ASTN2: variants seen among roughly 807,000 people sequenced by gnomAD.
The protein encoded by ASTN2 is astrotactin 2, also known as astrotactin-2.
Under a neutral mutation model 139.8 loss-of-function variants are expected in ASTN2, and 54 were observed. The observed-to-expected ratio is 0.39, with a 90% confidence interval of 0.31 to 0.48. ASTN2 has a LOEUF of 0.48. Among genes scored for constraint, ASTN2 ranks in the 20% least tolerant of loss-of-function variants. The pLI is 0.95. For synonymous variants in ASTN2, 756 were observed against 719.5 expected, an observed-to-expected ratio of 1.05 and a Z score of -0.81; for missense variants, 1,565 against 1,725.1, an observed-to-expected ratio of 0.91 and a Z score of 1.64.
At chr9:117,327,746 C>T (rs1397449951) in intron 1 of ASTN2, among the ~76,000 whole-genome samples, 1 of 152,138 alleles carries the variant, frequency 6.6e-6, no homozygotes, top group African/African-American at 2.4e-5. Context: ...CCTCCTTCAA[C>T]AAATATTTGC....
chr9:117,121,582 AG>A (rs1379895419), intron 4 of ASTN2, among the ~76,000 whole-genome samples: 1 of 152,232 alleles, frequency 6.6e-6, no homozygotes, highest in Non-Finnish European at 1.5e-5. Flanking sequence ...GAACAGGAAA[AG>A]GTGCTGCAGC....
chr9:117,269,438 A>G (rs1293012411), intron 2 of ASTN2, among the ~76,000 whole-genome samples: 1 of 152,192 alleles, frequency 6.6e-6, no homozygotes, highest in Non-Finnish European at 1.5e-5. Flanking sequence ...CTTGAAGGGG[A>G]CACATCACCC....
rs186662369 is a variant in ASTN2 at position 116,871,591 on chromosome 9, C to T, written c.1890-7858G>A. ...GTAGCCTTTTGTGACTGGCTACTTTCAGTTAGCATAGTGTTTTCAAGGTTC... is the reference window on the plus strand; with the variant it reads ...GTAGCCTTTTGTGACTGGCTACTTTTAGTTAGCATAGTGTTTTCAAGGTTC... On this transcript the variant is annotated intron_variant, in intron 10 of 22. Coordinates refer to ENST00000313400, the MANE Select transcript of ASTN2 (RefSeq NM_001365068.1). Among the ~76,000 whole-genome samples the T allele has an allele frequency of 1.2e-3, 181 of 152,296 alleles. 1 individual carries two copies. The highest frequency in any genetic ancestry group is 4.1e-3 in the African/African-American group (170 of 41,562).
At chr9:116,976,258 T>A in intron 8 of ASTN2, 70 bp from the exon 9 acceptor site, 1 of 1,260,734 alleles carries the variant, frequency 7.9e-7, no homozygotes, top group South Asian at 1.2e-5. Flanking sequence ...ATGTGGACAC[T>A]GCTCTAGAGT....
intron 5 of ASTN2, among the ~76,000 whole-genome samples, chr9:117,048,275 T>C (rs1838801847): frequency 6.6e-6 from 1 of 152,170 alleles, no homozygotes; most frequent in African/African-American, 2.4e-5. Context: ...CGACCACATG[T>C]CTTCAAGAGA....
chr9:117,413,012 G>C (rs958600192), intron 1 of ASTN2, among the ~76,000 whole-genome samples: 1 of 152,168 alleles, frequency 6.6e-6, no homozygotes, highest in African/African-American at 2.4e-5. Flanking sequence ...GGGAGTCCCC[G>C]AGGAACCTGC....
intron 1 of ASTN2, among the ~76,000 whole-genome samples, chr9:117,305,653 C>T (rs1001798870): frequency 1.3e-5 from 2 of 152,196 alleles, no homozygotes; most frequent in African/African-American, 4.8e-5. Flanking sequence ...TTGTCTTAGT[C>T]ATCATGTATC....
chr9:117,241,409 T>G (rs1833201815), intron 2 of ASTN2, among the ~76,000 whole-genome samples: 1 of 152,172 alleles, frequency 6.6e-6, no homozygotes, highest in South Asian at 2.1e-4. Flanking sequence ...CACAAAGACC[T>G]ATAGAGCAGC....
At chr9:117,314,583 T>C (rs1280816673) in intron 1 of ASTN2, among the ~76,000 whole-genome samples, 1 of 147,802 alleles carries the variant, frequency 6.8e-6, no homozygotes, top group East Asian at 1.9e-4. Context: ...AAACACATAT[T>C]ATCATATATT....
intron 2 of ASTN2, among the ~76,000 whole-genome samples, chr9:117,288,799 G>C (rs761019580): frequency 6.6e-6 from 1 of 152,186 alleles, no homozygotes; most frequent in East Asian, 1.9e-4. Flanking sequence ...TCTTAGACAA[G>C]TCCTAGCCTG....
chr9:117,096,124 C>T lies in ASTN2; in HGVS notation c.1196G>A (p.Gly399Glu). Residue 399 changes from glycine (G) to glutamate (E), a missense_variant, in exon 5 of 23, where the codon GGG becomes GAG. Around this residue, in one of 4 missense-constraint regions of ASTN2, gnomAD observed 596 missense variants for 576.8 expected, o/e 1.03. Coordinates refer to ENST00000313400, the MANE Select transcript of ASTN2 (RefSeq NM_001365068.1). ...ATCGTCTGCCTCTGAGCCCGACGTCCCCTTGGCTCTCCCAAAGCTGATTCC... is the reference window on the plus strand; with the variant it reads ...ATCGTCTGCCTCTGAGCCCGACGTCTCCTTGGCTCTCCCAAAGCTGATTCC... ...RGGISFGRAK[G>E]TSGSEADDET... 3 of 1,614,040 alleles carry T rather than the reference C, an allele frequency of 1.9e-6. No individual in the cohort carries two copies. The highest frequency in any genetic ancestry group is 2.2e-5 in the South Asian group (2 of 91,068).
chr9:117,395,295 T>C (rs948774461), intron 1 of ASTN2, among the ~76,000 whole-genome samples: 2 of 151,822 alleles, frequency 1.3e-5, no homozygotes, highest in East Asian at 3.9e-4. Context: ...GAGAATTGGA[T>C]AGAAGAAAGG....
chr9:117,040,132 G>A (rs1302261783), intron 5 of ASTN2, among the ~76,000 whole-genome samples, 167 bp from the exon 6 acceptor site: 1 of 152,116 alleles, frequency 6.6e-6, no homozygotes, highest in Admixed American at 6.5e-5. Flanking sequence ...CACCTCAGTG[G>A]GCCTTCTTTG....
At chr9:116,684,150 A>T (rs1860057384) in intron 16 of ASTN2, among the ~76,000 whole-genome samples, 1 of 152,220 alleles carries the variant, frequency 6.6e-6, no homozygotes, top group South Asian at 2.1e-4. Context: ...CCCATGGCTG[A>T]GCTTGGCTTT....
At chr9:116,711,116 G>A (rs761947977) in intron 16 of ASTN2, among the ~76,000 whole-genome samples, 10 of 152,184 alleles carry the variant, frequency 6.6e-5, no homozygotes, top group Non-Finnish European at 1.2e-4. Flanking sequence ...CTGCATAGAA[G>A]GCTAATTAGC....
intron 5 of ASTN2, among the ~76,000 whole-genome samples, chr9:117,059,168 G>C (rs1355462009): frequency 1.3e-5 from 2 of 152,142 alleles, no homozygotes; most frequent in Admixed American, 6.6e-5. Flanking sequence ...AGTACAGTTG[G>C]GGATGGAATT....
At chr9:117,110,347 C>G (rs764840860) in intron 4 of ASTN2, among the ~76,000 whole-genome samples, 9 of 152,144 alleles carry the variant, frequency 5.9e-5, no homozygotes, top group Non-Finnish European at 8.8e-5. Context: ...GCTTTATGCA[C>G]TGTTATACTC....
At chr9:117,335,790 AG>A (rs1351285733) in intron 1 of ASTN2, among the ~76,000 whole-genome samples, 7 of 152,120 alleles carry the variant, frequency 4.6e-5, no homozygotes, top group Non-Finnish European at 1.0e-4. Context: ...AGAAAAAAAA[AG>A]GGACTTGCTC....
chr9:116,427,730 CT>C (rs1180816672), intron 22 of ASTN2, among the ~76,000 whole-genome samples: 1 of 152,230 alleles, frequency 6.6e-6, no homozygotes, highest in Non-Finnish European at 1.5e-5. Context: ...AAAAAGTCCT[CT>C]TTGTATAGTT....
Sources: gnomAD v4.1 joint callset for allele counts (sites outside exome capture counted in the v4.1 genomes callset) on GRCh38, gnomAD v4.1.1 for gene constraint, gnomAD v4.1.1 regional missense constraint, MANE v1.5 for transcripts, NCBI Gene and HGNC (gene_info 2026-07-23, HGNC 2026-07-21) for gene names.